The following LINGO2 variants were observed in gnomAD, a reference collection of about 807,000 sequenced individuals.
The protein encoded by LINGO2 is leucine rich repeat and Ig domain containing 2, also known as leucine-rich repeat and immunoglobulin-like domain-containing nogo receptor-interacting protein 2.
In LINGO2, 14 loss-of-function variants were observed where a neutral mutation model predicts 30.6. The observed-to-expected ratio is 0.46, with a 90% CI of 0.30 to 0.72. LINGO2 has a LOEUF of 0.72. Among genes scored for constraint, LINGO2 ranks in the 30% least tolerant of loss-of-function variants. The pLI, the probability that LINGO2 is intolerant of heterozygous loss-of-function variation, is 0.07. For synonymous variants in LINGO2, 317 were observed against 288.5 expected (o/e 1.10, Z -1.00); for missense variants, 729 against 751.7 (o/e 0.97, Z 0.35).
the LINGO2 span, among the ~76,000 whole-genome samples, chr9:28,712,783 T>C: frequency 1.6e-4 from 24 of 152,260 alleles, no homozygotes; most frequent in South Asian, 4.8e-3. Context: ...TTGTTGCATG[T>C]GTTTTGCTTA....
At chr9:29,047,010 T>TGAGCCGCGATCATG in the LINGO2 span, among the ~76,000 whole-genome samples, 12 of 2,408 alleles carry the variant, frequency 5.0e-3, 1 homozygote, top group Non-Finnish European at 0.013. Context: ...ATCCGGGCAC[T>TGAGCCGCGATCATG]CCACCCTGGG....
the LINGO2 span, among the ~76,000 whole-genome samples, chr9:29,080,376 A>T: frequency 1.2e-4 from 18 of 151,760 alleles, no homozygotes; most frequent in Non-Finnish European, 2.6e-4. Flanking sequence ...AATTTTGATG[A>T]TCTTTTCAAA....
At chr9:28,682,429 G>A in the LINGO2 span, among the ~76,000 whole-genome samples, 1 of 152,086 alleles carries the variant, frequency 6.6e-6, no homozygotes, top group Non-Finnish European at 1.5e-5. Context: ...CATAACCAAA[G>A]TCTTGATTCA....
chr9:28,708,324 G>A, the LINGO2 span, among the ~76,000 whole-genome samples: 2 of 152,086 alleles, frequency 1.3e-5, no homozygotes, highest in Non-Finnish European at 2.9e-5. Flanking sequence ...TATGTATCAT[G>A]TATAATTCAG....
intron 4 of LINGO2, among the ~76,000 whole-genome samples, chr9:28,067,207 C>T (rs1263468513): frequency 6.6e-6 from 1 of 152,030 alleles, no homozygotes; most frequent in Non-Finnish European, 1.5e-5. Context: ...AATTATATAT[C>T]AACAATATGG....
At chr9:29,203,278 C>T in the LINGO2 span, among the ~76,000 whole-genome samples, 1 of 152,008 alleles carries the variant, frequency 6.6e-6, no homozygotes, top group Non-Finnish European at 1.5e-5. Flanking sequence ...CAATTAAAAC[C>T]ATGTACAGCC....
At position 28,258,719 on chromosome 9, in the gene LINGO2, G is replaced by A. The variant is rs545316066; in HGVS notation, c.-87+36489C>T. 5.3e-5 allele frequency among the ~76,000 whole-genome samples: 8 copies of A among 151,942 alleles called. No individual in the cohort carries two copies. In the South Asian group the frequency reaches 1.7e-3, roughly 32 times the overall value. On this transcript the variant is annotated intron_variant, in intron 4 of 5. Transcript: ENST00000379992. ...CAATGAAAGCTGTGAACTACAACAC[G>A]GAACATCTTTTACAGACATTGGGAT...
chr9:28,178,012 T>A (rs905499398), intron 4 of LINGO2, among the ~76,000 whole-genome samples: 1 of 152,212 alleles, frequency 6.6e-6, no homozygotes, highest in African/African-American at 2.4e-5. Context: ...CATGAATCTA[T>A]GCAAATAGAG....
intron 4 of LINGO2, among the ~76,000 whole-genome samples, chr9:28,065,958 A>G (rs1252910136): frequency 6.6e-6 from 1 of 152,076 alleles, no homozygotes; most frequent in Non-Finnish European, 1.5e-5. Flanking sequence ...ACACATGCAT[A>G]TAATGTTCTC....
intron 4 of LINGO2, among the ~76,000 whole-genome samples, chr9:28,041,222 G>A (rs1302632401): frequency 6.6e-6 from 1 of 152,192 alleles, no homozygotes; most frequent in African/African-American, 2.4e-5. Context: ...TCAGAGTTAT[G>A]AGGTGGAAGA....
At chr9:28,470,392 C>T (rs1030877224) in intron 2 of LINGO2, among the ~76,000 whole-genome samples, 1 of 152,148 alleles carries the variant, frequency 6.6e-6, no homozygotes, top group South Asian at 2.1e-4. Context: ...AACATATCAT[C>T]CAGGCTCTCA....
chr9:28,726,669 C>G, the LINGO2 span, among the ~76,000 whole-genome samples: 1 of 151,786 alleles, frequency 6.6e-6, no homozygotes, highest in Non-Finnish European at 1.5e-5. Context: ...CTACAAAGAA[C>G]AATATAAAAA....
At chr9:27,981,573 AAAAAAAAG>A (rs1820876877) in intron 5 of LINGO2, among the ~76,000 whole-genome samples, 1 of 147,612 alleles carries the variant, frequency 6.8e-6, no homozygotes, top group Admixed American at 6.8e-5. Context: ...AAAAAAAGAA[AAAAAAAAG>A]AAAAAAAATT....
At chr9:28,425,197 G>A (rs1239105356) in intron 2 of LINGO2, among the ~76,000 whole-genome samples, 2 of 149,086 alleles carry the variant, frequency 1.3e-5, no homozygotes, top group South Asian at 4.2e-4. Context: ...ACTCTTAATA[G>A]AGCTTACTAT....
the LINGO2 span, among the ~76,000 whole-genome samples, chr9:28,881,592 G>A: frequency 1.3e-4 from 19 of 149,304 alleles, no homozygotes; most frequent in Non-Finnish European, 2.7e-4. Context: ...TAACATTACT[G>A]ACAACCTTTT....
chr9:28,226,991 G>C (rs143010382), intron 4 of LINGO2, among the ~76,000 whole-genome samples: 237 of 152,184 alleles, frequency 1.6e-3, no homozygotes, highest in African/African-American at 4.8e-3. Context: ...CTTGTAGGTA[G>C]GCTGCAGATC....
At chr9:29,152,307 T>C in the LINGO2 span, among the ~76,000 whole-genome samples, 4 of 152,168 alleles carry the variant, frequency 2.6e-5, no homozygotes, top group African/African-American at 7.2e-5. Flanking sequence ...TTCTCATTAA[T>C]AGGTATATAC....
At chr9:28,184,677 G>C (rs1221548330) in intron 4 of LINGO2, among the ~76,000 whole-genome samples, 1 of 152,110 alleles carries the variant, frequency 6.6e-6, no homozygotes, top group Non-Finnish European at 1.5e-5. Context: ...GAAAGAGACA[G>C]AGAGAGACAG....
At chr9:28,423,202 C>A (rs1252405558) in intron 2 of LINGO2, among the ~76,000 whole-genome samples, 1 of 152,012 alleles carries the variant, frequency 6.6e-6, no homozygotes, top group African/African-American at 2.4e-5. Context: ...TATTCCACCA[C>A]AATTTTTTAA....
Sources: allele counts gnomAD v4.1 joint callset (sites outside exome capture counted in the v4.1 genomes callset), GRCh38; gene constraint gnomAD v4.1.1; transcripts MANE v1.5; gene names NCBI Gene and HGNC (gene_info 2026-07-23, HGNC 2026-07-21).